The following CCNJL variants were observed in gnomAD, a reference collection of about 807,000 sequenced individuals.
CCNJL encodes cyclin-J-like protein.
CCNJL carries 33 observed loss-of-function variants against 33.4 expected under a neutral mutation model. The ratio of observed to expected loss-of-function variants is 0.99; its 90% CI spans 0.75 to 1.32. The LOEUF (loss-of-function observed/expected upper bound fraction) is 1.32, where lower values mean the gene tolerates loss of function less well. CCNJL is among the 40% of genes most tolerant of loss of function. The pLI, the probability that CCNJL is intolerant of heterozygous loss-of-function variation, is 0.00. For synonymous variants in CCNJL, 227 were observed against 220.9 expected (o/e 1.03, Z -0.24); for missense variants, 512 against 499.7 (o/e 1.02, Z -0.23).
At chr5:160,284,223 GTGCC>G (rs1351386172) in intron 2 of CCNJL, among the ~76,000 whole-genome samples, 1 of 152,038 alleles carries the variant, frequency 6.6e-6, no homozygotes, top group Non-Finnish European at 1.5e-5. Context: ...GTGGTGGTGA[GTGCC>G]TGTAGTCCCA....
intron 3 of CCNJL, among the ~76,000 whole-genome samples, chr5:160,266,058 T>G (rs1761571906): frequency 6.6e-6 from 1 of 152,142 alleles, no homozygotes; most frequent in Non-Finnish European, 1.5e-5. Context: ...ACCCTGCAGG[T>G]GCTGATGATA....
intron 2 of CCNJL, among the ~76,000 whole-genome samples, chr5:160,293,110 G>A (rs1762638605): frequency 6.6e-6 from 1 of 152,188 alleles, no homozygotes; most frequent in South Asian, 2.1e-4. Flanking sequence ...AGGTTTGTTT[G>A]TATTTTCCTT....
In CCNJL at chr5:160,253,504, G is replaced by C. The variant is rs759256343; in HGVS notation, c.1038C>G (p.Pro346=). 2 of 1,614,076 alleles carry C rather than the reference G, an allele frequency of 1.2e-6. No individual in the cohort carries two copies. Among genetic ancestry groups the C allele is most frequent in the Admixed American group, 3.3e-5 (2 of 60,006 alleles). ...TATGCATGCTAAGGGATGCAGGGAC[G>C]GGCACGGGACACATATCCAAGGGCT... ...PLQPLDMCPV[P]VPASLSMHMA... is the part of the protein sequence containing the mutation. Residue 346 remains proline, a synonymous_variant, in exon 6 of 6, where the codon CCC becomes CCG. Coordinates refer to ENST00000257536, the MANE Select transcript of CCNJL (RefSeq NM_001308173.3).
chr5:160,311,563 T>C (rs929146653), intron 2 of CCNJL, among the ~76,000 whole-genome samples: 16 of 152,154 alleles, frequency 1.1e-4, no homozygotes, highest in African/African-American at 3.4e-4. Context: ...TAAAATAACC[T>C]AGGGTGGCAA....
chr5:160,292,589 C>T (rs374119572), intron 2 of CCNJL, among the ~76,000 whole-genome samples: 3 of 152,090 alleles, frequency 2.0e-5, no homozygotes, highest in Admixed American at 6.6e-5. Flanking sequence ...CCACTGCACT[C>T]TAGCCTGGGT....
intron 1 of CCNJL, among the ~76,000 whole-genome samples, chr5:160,336,310 A>T (rs1270837464): frequency 1.3e-5 from 2 of 152,216 alleles, no homozygotes; most frequent in Non-Finnish European, 2.9e-5. Flanking sequence ...AGGTGAGAAG[A>T]TCTCTAAGAG....
At chr5:160,279,450 T>C (rs550412289) in intron 3 of CCNJL, among the ~76,000 whole-genome samples, 1 of 152,340 alleles carries the variant, frequency 6.6e-6, no homozygotes, top group South Asian at 2.1e-4. Context: ...ATTAGTTTCA[T>C]TGATTACACA....
In CCNJL at chr5:160,253,394, C is replaced by A. The variant is rs375710423; in HGVS notation, c.1148G>T (p.Gly383Val). The change falls in exon 6 of 6, where the codon GGC becomes GTC. Residue 383 changes from glycine to valine, a missense_variant. By Grantham distance (109) the Gly-to-Val change is moderately radical. Coordinates refer to ENST00000257536, the MANE Select transcript of CCNJL (RefSeq NM_001308173.3). ...YFSGSHMFPT[G>V]CFDR is the part of the protein sequence containing the mutation. ...GGAGGTGGCCTATCTGTCAAAGCAG[C>A]CGGTGGGGAACATGTGGCTCCCACT... 2.2e-4 allele frequency: 352 copies of A among 1,583,374 alleles called. No homozygotes were observed. Among genetic ancestry groups the A allele is most frequent in the Non-Finnish European group, 2.9e-4 (338 of 1,162,136 alleles).
chr5:160,329,869 T>G (rs1394881943), intron 1 of CCNJL, among the ~76,000 whole-genome samples: 1 of 152,204 alleles, frequency 6.6e-6, no homozygotes, highest in East Asian at 1.9e-4. Context: ...TTTCATTCTT[T>G]GAGACAGGTA....
At chr5:160,255,182 G>A (rs137876786) in intron 5 of CCNJL, 2,219 of 156,192 alleles carry the variant, frequency 0.014, 59 homozygotes, top group African/African-American at 0.05. Context: ...GCGTGGTGGC[G>A]CGCACCTGTA....
At chr5:160,329,696 T>C (rs1405833712) in intron 1 of CCNJL, among the ~76,000 whole-genome samples, 1 of 152,200 alleles carries the variant, frequency 6.6e-6, no homozygotes, top group Non-Finnish European at 1.5e-5. Context: ...ACCCATCTGC[T>C]TTTTGATCCT....
chr5:160,255,697 A>G lies in CCNJL; in HGVS notation c.595T>C (p.Tyr199His). ...LEVTLQDHIF[Y>H]KFQPSVVAAA... The stretch of plus-strand genomic sequence containing the variant: ...GCGACCACAGAAGGCTGGAATTTGT[A>G]GAATATGTGATCTGAAAGAAAGCCA... Residue 199 changes from tyrosine to histidine, a missense_variant, in exon 5 of 6, where the codon TAC becomes CAC. Physicochemically the swap from Tyr to His is moderately conservative, Grantham distance 83 (BLOSUM62 2). Coordinates refer to ENST00000257536, the MANE Select transcript of CCNJL (RefSeq NM_001308173.3). The G allele has an allele frequency of 1.2e-6, 2 of 1,613,828 alleles. 1 individual carries two copies.
upstream of CCNJL, among the ~76,000 whole-genome samples, chr5:160,314,870 G>A (rs972912560): frequency 6.6e-6 from 1 of 152,184 alleles, no homozygotes; most frequent in Admixed American, 6.5e-5. Context: ...AAAAAACAGT[G>A]GGGTACTTTT....
Position 160,284,765 on chromosome 5 carries a change from T to C in CCNJL, c.67-4027A>G, listed in dbSNP as rs551700617. ...TGAATAAATTACTTCTTCTCCCTTATGTTTATATATGAAGAAATTGAGTTT... is the reference window on the plus strand; with the variant it reads ...TGAATAAATTACTTCTTCTCCCTTACGTTTATATATGAAGAAATTGAGTTT... On this transcript the variant is annotated intron_variant, in intron 2 of 5. Transcript: ENST00000257536. 3.3e-5 allele frequency among the ~76,000 whole-genome samples: 5 copies of C among 152,238 alleles called. No homozygotes were observed. In the South Asian group the frequency reaches 6.2e-4, roughly 19 times the overall value.
At chr5:160,257,925 C>T (rs985668823) in intron 4 of CCNJL, among the ~76,000 whole-genome samples, 12 of 151,658 alleles carry the variant, frequency 7.9e-5, no homozygotes, top group African/African-American at 2.9e-4. Flanking sequence ...CGGCTCACTG[C>T]AACCTCTGCC....
At chr5:160,306,368 G>A (rs1763098458) in intron 2 of CCNJL, among the ~76,000 whole-genome samples, 1 of 151,922 alleles carries the variant, frequency 6.6e-6, no homozygotes, top group Non-Finnish European at 1.5e-5. Context: ...TGCATTAGGT[G>A]GCTGGTTGCC....
exon 1 of CCNJL, chr5:160,339,482 C>T (rs1291618252): frequency 3.5e-5 from 16 of 452,964 alleles, no homozygotes; most frequent in African/African-American, 2.0e-4. Context: ...ACCATTTCAG[C>T]CTCATAATAT....
rs1277083063 is a variant in CCNJL at position 160,249,901 on chromosome 5, CAAG to C, written c.*3474_*3476del. The stretch of plus-strand genomic sequence containing the variant: ...CAAAGAAATCATATGCCTGAATGAC[CAAG>C]AAGCTGGCTAAAGTGCAGATTCCAG... On this transcript the variant is annotated 3_prime_UTR_variant, in exon 6 of 6. Coordinates refer to ENST00000257536, the MANE Select transcript of CCNJL (RefSeq NM_001308173.3). 1 of 151,694 alleles carries C rather than the reference CAAG, an allele frequency of 6.6e-6. No individual in the cohort carries two copies. 9.4% of individuals were successfully genotyped at this position (151,694 alleles called of 1,614,324 possible). A position where few individuals can be genotyped will look rare whatever the true frequency, so the allele number is the denominator to read the frequency against.
Position 160,293,546 on chromosome 5 carries a change from G to A in CCNJL, c.67-12808C>T, listed in dbSNP as rs184023775. ...CAATTCCATCAGCACGTAAATACTC[G>A]GAGAATGTACACATGTCGGCATGCG... On this transcript the variant is annotated intron_variant, in intron 2 of 5. Transcript: ENST00000257536. Among the ~76,000 whole-genome samples the A allele has an allele frequency of 2.0e-3, 297 of 152,222 alleles. 3 individuals are homozygous for A. The highest frequency in any genetic ancestry group is 6.7e-3 in the African/African-American group (277 of 41,516).
Sources: gnomAD v4.1 joint callset for allele counts (sites outside exome capture counted in the v4.1 genomes callset) on GRCh38, gnomAD v4.1.1 for gene constraint, MANE v1.5 for transcripts, NCBI Gene and HGNC (gene_info 2026-07-23, HGNC 2026-07-21) for gene names.